TBX20: variants seen among roughly 807,000 people sequenced by gnomAD.
The protein encoded by TBX20 is T-box transcription factor 20.
Under a neutral mutation model 42.9 loss-of-function variants are expected in TBX20, and 8 were observed. The observed-to-expected ratio is 0.19, with a 90% CI of 0.11 to 0.34. The LOEUF (loss-of-function observed/expected upper bound fraction) is 0.34. TBX20 is among the 10% of genes least tolerant of loss of function. TBX20 has a pLI of 1.00. For synonymous variants in TBX20, 198 were observed against 222.8 expected (o/e 0.89, Z 0.99); for missense variants, 411 against 566.0 (o/e 0.73, Z 2.78).
intron 6 of TBX20, among the ~76,000 whole-genome samples, chr7:35,228,810 G>A (rs1056976453): frequency 3.9e-5 from 6 of 151,986 alleles, no homozygotes; most frequent in East Asian, 1.9e-4. Flanking sequence ...TTTGCTTCTC[G>A]GTTGACCACA....
chr7:35,204,836 A>G (rs1789374145), intron 6 of TBX20, among the ~76,000 whole-genome samples: 1 of 152,198 alleles, frequency 6.6e-6, no homozygotes, highest in African/African-American at 2.4e-5. Flanking sequence ...AATACTTTAA[A>G]ATGAAGGACA....
At chr7:35,235,649 A>C (rs1789950848) in intron 5 of TBX20, among the ~76,000 whole-genome samples, 1 of 152,238 alleles carries the variant, frequency 6.6e-6, no homozygotes, top group African/African-American at 2.4e-5. Context: ...TTACTAATTC[A>C]GTCCAAAACA....
intron 3 of TBX20, among the ~76,000 whole-genome samples, chr7:35,247,316 C>T (rs1487481098): frequency 1.3e-5 from 2 of 151,688 alleles, no homozygotes; most frequent in African/African-American, 4.8e-5. Context: ...GAAGAGAACA[C>T]TAATTTTATT....
At chr7:35,223,358 G>T (rs1789715779) in intron 6 of TBX20, among the ~76,000 whole-genome samples, 2 of 152,180 alleles carry the variant, frequency 1.3e-5, no homozygotes, top group Admixed American at 1.3e-4. Flanking sequence ...GGAGAGGCCA[G>T]AACCAGAAAT....
intron 5 of TBX20, among the ~76,000 whole-genome samples, chr7:35,236,330 T>G (rs965017245): frequency 6.6e-6 from 1 of 151,568 alleles, no homozygotes; most frequent in Non-Finnish European, 1.5e-5. Flanking sequence ...GTTCTTTGTA[T>G]GTGAAAAAAT....
chr7:35,204,402 G>A (rs1452751866), intron 7 of TBX20, 68 bp downstream of exon 7: 20 of 1,049,044 alleles, frequency 1.9e-5, no homozygotes, highest in East Asian at 1.5e-4. Flanking sequence ...TCTCATCAAC[G>A]ACCTGCCCCC....
At chr7:35,218,355 C>A (rs559898323) in intron 6 of TBX20, among the ~76,000 whole-genome samples, 1 of 152,070 alleles carries the variant, frequency 6.6e-6, no homozygotes, top group Non-Finnish European at 1.5e-5. Flanking sequence ...ACCCTGAGTT[C>A]TAGCCCCAGG....
chr7:35,211,162 A>C (rs1400592240), intron 6 of TBX20, among the ~76,000 whole-genome samples: 2 of 152,098 alleles, frequency 1.3e-5, no homozygotes, highest in Admixed American at 1.3e-4. Context: ...ATATATTTTC[A>C]TTTCTCCCTT....
At chr7:35,232,587 A>G (rs1015812472) in intron 5 of TBX20, among the ~76,000 whole-genome samples, 4 of 152,224 alleles carry the variant, frequency 2.6e-5, no homozygotes, top group African/African-American at 4.8e-5. Context: ...TTATGGAATC[A>G]TAGCTTCTCA....
intron 5 of TBX20, among the ~76,000 whole-genome samples, chr7:35,236,351 T>A (rs975086942): frequency 6.6e-6 from 1 of 151,708 alleles, no homozygotes. Context: ...TCTAATACTA[T>A]ACCTAGTATA....
chr7:35,252,029 T>A (rs28628585), intron 1 of TBX20, among the ~76,000 whole-genome samples: 56,072 of 151,982 alleles, frequency 0.37, 10,651 homozygotes, highest in Admixed American at 0.46. Flanking sequence ...AGATTTAGAA[T>A]TTTCGATATA....
At chr7:35,203,681 A>G (rs1789345601) in intron 7 of TBX20, among the ~76,000 whole-genome samples, 1 of 152,246 alleles carries the variant, frequency 6.6e-6, no homozygotes, top group Non-Finnish European at 1.5e-5. Context: ...GTGAAAAGTT[A>G]TATGCACGTT....
intron 5 of TBX20, among the ~76,000 whole-genome samples, chr7:35,233,872 G>A (rs1227355556): frequency 6.6e-6 from 1 of 152,242 alleles, no homozygotes; most frequent in Non-Finnish European, 1.5e-5. Context: ...CACTGCGCTA[G>A]ATGTCGGATG....
intron 4 of TBX20, among the ~76,000 whole-genome samples, chr7:35,244,368 T>C (rs1399045883): frequency 1.3e-5 from 2 of 152,208 alleles, no homozygotes; most frequent in African/African-American, 2.4e-5. Flanking sequence ...AAAATCAAAT[T>C]GTTTTGTTTT....
chr7:35,253,347 TG>T, intron 1 of TBX20, 146 bp downstream of exon 1: 1 of 920,346 alleles, frequency 1.1e-6, no homozygotes, highest in Non-Finnish European at 1.6e-6. Flanking sequence ...AAAGAAAACT[TG>T]GACCCAAAAG....
At chr7:35,221,426 C>A (rs549544537) in intron 6 of TBX20, among the ~76,000 whole-genome samples, 1 of 151,960 alleles carries the variant, frequency 6.6e-6, no homozygotes, top group South Asian at 2.1e-4. Flanking sequence ...TACAACTGAA[C>A]AGAGATACAA....
intron 3 of TBX20, among the ~76,000 whole-genome samples, chr7:35,247,163 G>A (rs1790206111): frequency 1.1e-5 from 1 of 87,120 alleles, no homozygotes; most frequent in African/African-American, 3.8e-5. Context: ...AAGACTGGAG[G>A]GCAAAAAAAA....
intron 1 of TBX20, among the ~76,000 whole-genome samples, chr7:35,250,865 A>G (rs1024348200): frequency 1.3e-5 from 2 of 152,236 alleles, no homozygotes; most frequent in Non-Finnish European, 2.9e-5. Context: ...AGATCTTATG[A>G]AAGATGCTAG....
At chr7:35,238,529 T>C (rs1239886664) in intron 5 of TBX20, among the ~76,000 whole-genome samples, 1 of 152,244 alleles carries the variant, frequency 6.6e-6, no homozygotes, top group Admixed American at 6.5e-5. Context: ...TAAATTGTTA[T>C]AATATATTAG....
Sources: gnomAD v4.1 joint callset for allele counts (sites outside exome capture counted in the v4.1 genomes callset) on GRCh38, gnomAD v4.1.1 for gene constraint, MANE v1.5 for transcripts, NCBI Gene and HGNC (gene_info 2026-07-23, HGNC 2026-07-21) for gene names.